The following GRIA4 variants were observed in gnomAD, a reference collection of about 807,000 sequenced individuals.
GRIA4 encodes glutamate ionotropic receptor AMPA type subunit 4.
Under a neutral mutation model 104.0 loss-of-function variants are expected in GRIA4, and 34 were observed. The ratio of observed to expected loss-of-function variants is 0.33; its 90% CI spans 0.25 to 0.44. The LOEUF (loss-of-function observed/expected upper bound fraction) is 0.44. Among genes scored for constraint, GRIA4 ranks in the 20% least tolerant of loss-of-function variants. The pLI, the probability that GRIA4 is intolerant of heterozygous loss-of-function variation, is 1.00. For missense variants in GRIA4, 750 were observed against 1,096.5 expected (o/e 0.68, Z 4.46); for synonymous variants, 386 against 381.9 (o/e 1.01, Z -0.13).
intron 14 of GRIA4, among the ~76,000 whole-genome samples, chr11:105,951,295 G>C (rs926632552): frequency 1.3e-5 from 2 of 152,118 alleles, no homozygotes; most frequent in Non-Finnish European, 2.9e-5. Context: ...CTGTTGAACA[G>C]CTCACATGCT....
At chr11:105,856,380 C>T (rs766307835) in intron 4 of GRIA4, among the ~76,000 whole-genome samples, 24 of 152,272 alleles carry the variant, frequency 1.6e-4, no homozygotes, top group Middle Eastern at 3.4e-3. Flanking sequence ...ACAGCCCATG[C>T]CAATTCTCCA....
At chr11:105,642,456 C>T (rs2135352675) in intron 3 of GRIA4, among the ~76,000 whole-genome samples, 1 of 148,588 alleles carries the variant, frequency 6.7e-6, no homozygotes, top group South Asian at 2.1e-4. Context: ...GACCCTTGCT[C>T]CTAAGTTGGG....
At chr11:105,938,948 T>C (rs1026750800) in intron 14 of GRIA4, among the ~76,000 whole-genome samples, 1 of 152,196 alleles carries the variant, frequency 6.6e-6, no homozygotes, top group Non-Finnish European at 1.5e-5. Flanking sequence ...ACCAGGGCCA[T>C]TTTGAATTCT....
At chr11:105,793,912 A>ACAATGGG (rs1488523877) in intron 4 of GRIA4, among the ~76,000 whole-genome samples, 1 of 152,180 alleles carries the variant, frequency 6.6e-6, no homozygotes, top group African/African-American at 2.4e-5. Context: ...ATTCCTAACC[A>ACAATGGG]CAATGGTGAA....
chr11:105,815,279 T>G (rs1002417891), intron 4 of GRIA4, among the ~76,000 whole-genome samples: 21 of 152,290 alleles, frequency 1.4e-4, no homozygotes, highest in African/African-American at 5.1e-4. Flanking sequence ...CAATTTAAGA[T>G]CAGTTCTGGA....
Position 105,611,058 on chromosome 11 carries a change from G to C in GRIA4, c.61G>C (p.Gly21Arg). 1 of 1,613,458 alleles carries C rather than the reference G, an allele frequency of 6.2e-7. No homozygotes were observed. The highest frequency in any genetic ancestry group is 8.5e-7 in the Non-Finnish European group (1 of 1,179,598). The change falls in exon 2 of 17, where the codon GGA (glycine) becomes CGA (arginine). Residue 21 changes from glycine to arginine, a missense_variant. Gly to Arg is a moderately radical substitution (Grantham distance 125, BLOSUM62 -2). Around this residue, in one of 3 missense-constraint regions of GRIA4, gnomAD observed 410 missense variants for 502.7 expected, o/e 0.82. Coordinates refer to ENST00000282499, the MANE Select transcript of GRIA4 (RefSeq NM_000829.4). ...LFSGFWGLAMGAFPSSVQIGG... is the reference protein window; with the variant it reads ...LFSGFWGLAMRAFPSSVQIGG... Reference sequence around the variant, plus strand: ...TTCTGGATTTTGGGGACTCGCCATGGGAGCCTTTCCGAGCAGCGTGCAAAT... The same window carrying C: ...TTCTGGATTTTGGGGACTCGCCATGCGAGCCTTTCCGAGCAGCGTGCAAAT...
intron 4 of GRIA4, among the ~76,000 whole-genome samples, chr11:105,843,507 C>T (rs528763871): frequency 1.3e-5 from 2 of 152,286 alleles, no homozygotes; most frequent in Admixed American, 1.3e-4. Flanking sequence ...TTCTGTCAAA[C>T]CAACTGTATC....
At chr11:105,805,994 G>T (rs948129736) in intron 4 of GRIA4, among the ~76,000 whole-genome samples, 1 of 151,866 alleles carries the variant, frequency 6.6e-6, no homozygotes, top group African/African-American at 2.4e-5. Flanking sequence ...ATCTGTAATT[G>T]CAGAAGAGAA....
intron 14 of GRIA4, among the ~76,000 whole-genome samples, chr11:105,964,048 A>G (rs529333249): frequency 4.3e-4 from 66 of 152,306 alleles, no homozygotes; most frequent in African/African-American, 1.6e-3. Context: ...TTGAAAGACA[A>G]ATTTAGTTCC....
intron 3 of GRIA4, among the ~76,000 whole-genome samples, chr11:105,745,433 C>T (rs935654369): frequency 6.6e-6 from 1 of 152,122 alleles, no homozygotes; most frequent in Non-Finnish European, 1.5e-5. Context: ...TCTTGAGTTT[C>T]CATCCATGTA....
intron 3 of GRIA4, among the ~76,000 whole-genome samples, chr11:105,627,137 C>A (rs1219784557): frequency 6.6e-6 from 1 of 152,182 alleles, no homozygotes; most frequent in Non-Finnish European, 1.5e-5. Context: ...ATGTGACAAT[C>A]TGCTTAGTCT....
At chr11:105,643,095 C>T (rs1306950511) in intron 3 of GRIA4, among the ~76,000 whole-genome samples, 2 of 152,056 alleles carry the variant, frequency 1.3e-5, no homozygotes, top group Non-Finnish European at 2.9e-5. Context: ...GAAACCACTC[C>T]CATGATTCAA....
At chr11:105,718,845 T>A (rs1267910919) in intron 3 of GRIA4, among the ~76,000 whole-genome samples, 1 of 152,132 alleles carries the variant, frequency 6.6e-6, no homozygotes, top group African/African-American at 2.4e-5. Context: ...TGGAAAAGAT[T>A]TGTGCTTGCT....
rs143564178 is a variant in GRIA4 at position 105,940,292 on chromosome 11, G to A, written c.2294+6323G>A. Among the ~76,000 whole-genome samples, 761 of 152,198 alleles carry A rather than the reference G, an allele frequency of 5.0e-3. 5 individuals carry two copies. The highest frequency in any genetic ancestry group is 0.017 in the African/African-American group (699 of 41,532). ...CAGGAGAATCACTTGAATCCAGGAG[G>A]TGGAGGTTGCAGTGAGCCAAGATTG... On this transcript the variant is annotated intron_variant, in intron 14 of 16. Coordinates refer to ENST00000282499, the MANE Select transcript of GRIA4 (RefSeq NM_000829.4).
At chr11:105,781,058 T>C (rs1245215332) in intron 4 of GRIA4, among the ~76,000 whole-genome samples, 1 of 152,206 alleles carries the variant, frequency 6.6e-6, no homozygotes, top group Admixed American at 6.5e-5. Flanking sequence ...GACAAAATAA[T>C]GACTAGACTT....
rs116440874 is a variant in GRIA4 at position 105,718,382 on chromosome 11, C to T, written c.248-34599C>T. On this transcript the variant is annotated intron_variant, in intron 3 of 16. Transcript: ENST00000282499. ...CTGTAATGGAGAGTGAGGCTCCAGA[C>T]AAAGGTACCAATATTATCGTACCAT... is the stretch of plus-strand genomic sequence containing the variant. 7.8e-3 allele frequency among the ~76,000 whole-genome samples: 1,191 copies of T among 152,218 alleles called. 15 individuals are homozygous for T. Among genetic ancestry groups the T allele is most frequent in the African/African-American group, 0.027 (1,119 of 41,548 alleles).
chr11:105,854,794 C>A (rs1944950774), intron 4 of GRIA4, among the ~76,000 whole-genome samples: 2 of 152,112 alleles, frequency 1.3e-5, no homozygotes, highest in Admixed American at 1.3e-4. Context: ...TTGCTAATTT[C>A]ATCGCTCTCT....
At chr11:105,630,297 G>A (rs994954914) in intron 3 of GRIA4, among the ~76,000 whole-genome samples, 1 of 152,208 alleles carries the variant, frequency 6.6e-6, no homozygotes, top group Non-Finnish European at 1.5e-5. Flanking sequence ...CAGGCACAGT[G>A]GCTCATGCCT....
chr11:105,684,478 T>C (rs977113472), intron 3 of GRIA4, among the ~76,000 whole-genome samples: 13 of 150,518 alleles, frequency 8.6e-5, no homozygotes, highest in African/African-American at 3.2e-4. Flanking sequence ...GTGACCACAT[T>C]AAGACAAACC....
Sources: allele counts gnomAD v4.1 joint callset (sites outside exome capture counted in the v4.1 genomes callset), GRCh38; gene constraint gnomAD v4.1.1; regional missense constraint gnomAD v4.1.1; transcripts MANE v1.5; gene names NCBI Gene and HGNC (gene_info 2026-07-23, HGNC 2026-07-21).